Variants in PAAF1 observed in about 807,000 individuals in gnomAD.
PAAF1 encodes proteasomal ATPase-associated factor 1.
In PAAF1, 46 loss-of-function variants were observed where a neutral mutation model predicts 52.8. The observed-to-expected ratio is 0.87, with a 90% CI of 0.69 to 1.11. The LOEUF (loss-of-function observed/expected upper bound fraction) is 1.11. Among genes scored for constraint, PAAF1 ranks in the 50% most tolerant of loss-of-function variants. PAAF1 has a pLI of 0.00. For missense variants in PAAF1, 424 were observed against 477.4 expected (o/e 0.89, Z 1.04); for synonymous variants, 178 against 172.8 (o/e 1.03, Z -0.24).
intron 4 of PAAF1, among the ~76,000 whole-genome samples, chr11:73,893,755 A>G (rs976676696): frequency 1.3e-3 from 189 of 149,522 alleles, no homozygotes; most frequent in Admixed American, 6.0e-3. Context: ...AAAAAAAAAA[A>G]AAAAAAGAAA....
chr11:73,897,530 C>T (rs1232481096), intron 4 of PAAF1, among the ~76,000 whole-genome samples: 3 of 149,944 alleles, frequency 2.0e-5, no homozygotes, highest in African/African-American at 4.9e-5. Context: ...GAGGTGCTCC[C>T]CACATCTCAG....
chr11:73,883,710 G>A (rs1948980793), intron 2 of PAAF1, among the ~76,000 whole-genome samples: 1 of 151,716 alleles, frequency 6.6e-6, no homozygotes, highest in South Asian at 2.1e-4. Flanking sequence ...AGAGACGAAC[G>A]AGGTTTCGAC....
chr11:73,921,906 C>T (rs1486520565), intron 10 of PAAF1: 1 of 1,112,366 alleles, frequency 9.0e-7, no homozygotes, highest in Non-Finnish European at 1.3e-6. Flanking sequence ...CCAGTGTATA[C>T]ATTTCTTTCT....
intron 2 of PAAF1, among the ~76,000 whole-genome samples, chr11:73,883,113 C>T (rs969335172): frequency 6.6e-6 from 1 of 152,114 alleles, no homozygotes; most frequent in Non-Finnish European, 1.5e-5. Context: ...GTTGCCCAGG[C>T]TGGTCTTGAA....
chr11:73,883,097 C>G (rs1163377254), intron 2 of PAAF1, among the ~76,000 whole-genome samples: 1 of 151,884 alleles, frequency 6.6e-6, no homozygotes, highest in Non-Finnish European at 1.5e-5. Context: ...GACAAGGTCT[C>G]ACTATGTTGC....
At chr11:73,890,441 C>A (rs1310615991) in intron 3 of PAAF1, among the ~76,000 whole-genome samples, 1 of 152,112 alleles carries the variant, frequency 6.6e-6, no homozygotes, top group African/African-American at 2.4e-5. Flanking sequence ...GTGATAATGA[C>A]TAGGTAGAAC....
rs1565155402 is a variant in PAAF1 at position 73,924,713 on chromosome 11, GAC to G, written c.1101+19_1101+20del. On this transcript the variant is annotated intron_variant, in intron 11 of 11. Coordinates refer to ENST00000310571, the MANE Select transcript of PAAF1 (RefSeq NM_025155.3). ...TGTGTACAAGGTACAGGCCTGAGACGACACCAGACCTGGGTGATTCTCATGAG... is the reference window on the plus strand; with the variant it reads ...TGTGTACAAGGTACAGGCCTGAGACGACCAGACCTGGGTGATTCTCATGAG... The G allele has an allele frequency of 1.9e-6, 3 of 1,601,740 alleles. No homozygotes were observed. The South Asian group carries it at 3.3e-5, about 18-fold the overall frequency.
At chr11:73,899,381 C>T in intron 5 of PAAF1, 137 bp downstream of exon 5, 1 of 548,270 alleles carries the variant, frequency 1.8e-6, no homozygotes, top group African/African-American at 2.0e-5. Flanking sequence ...TCTTTTCTCC[C>T]ATTTGTGTGT....
At position 73,927,651 on chromosome 11, in the gene PAAF1, C is replaced by T. The variant is rs1950399873; in HGVS notation, c.*289C>T. ...AGATGCTTTTAGTTTGTTCTTAAAC[C>T]AGTTTTGTTAAATGTTTACAAGGAC... is the stretch of plus-strand genomic sequence containing the variant. On this transcript the variant is annotated 3_prime_UTR_variant, in exon 12 of 12. Coordinates refer to ENST00000310571, the MANE Select transcript of PAAF1 (RefSeq NM_025155.3). 2.3e-6 allele frequency: 1 copy of T among 439,294 alleles called. No homozygotes were observed. The highest frequency in any genetic ancestry group is 3.9e-5 in the East Asian group (1 of 25,966). 27.2% of individuals were successfully genotyped at this position (439,294 alleles called of 1,614,324 possible).
In PAAF1 at chr11:73,916,705, G is replaced by T. The variant is rs200605106; in HGVS notation, c.935+45G>T. 508 of 1,388,230 alleles carry T rather than the reference G, an allele frequency of 3.7e-4. No homozygotes were observed. The highest frequency in any genetic ancestry group is 1.3e-3 in the Middle Eastern group (7 of 5,586). 86.0% of individuals were successfully genotyped at this position (1,388,230 alleles called of 1,614,324 possible). On this transcript the variant is annotated intron_variant, in intron 9 of 11. Transcript: ENST00000310571. The stretch of plus-strand genomic sequence containing the variant: ...CATGATGCAGGTCTTCTGCAGAGTG[G>T]AAATTTTTATTGGCTTTAACATTGA...
At chr11:73,919,789 C>T (rs1950161559) in intron 10 of PAAF1, among the ~76,000 whole-genome samples, 1 of 152,130 alleles carries the variant, frequency 6.6e-6, no homozygotes, top group South Asian at 2.1e-4. Flanking sequence ...GAGGGACTAC[C>T]TACCTACCTT....
chr11:73,914,764 G>A (rs1053657706), intron 8 of PAAF1, among the ~76,000 whole-genome samples: 7 of 149,140 alleles, frequency 4.7e-5, no homozygotes, highest in South Asian at 2.1e-4. Flanking sequence ...GTGCAGTGGC[G>A]CAATCTCGGT....
intron 11 of PAAF1, among the ~76,000 whole-genome samples, chr11:73,925,319 G>A (rs994204046): frequency 6.6e-6 from 1 of 151,832 alleles, no homozygotes; most frequent in Non-Finnish European, 1.5e-5. Context: ...AATTAGCTGG[G>A]CATGGTGGCA....
At chr11:73,880,681 T>C (rs1948873005) in intron 2 of PAAF1, 1 of 97,660 alleles carries the variant, frequency 1.0e-5, no homozygotes. Context: ...AGCAAGACTC[T>C]GTCTCGAAAA....
chr11:73,922,237 A>G, intron 10 of PAAF1: 5 of 628,772 alleles, frequency 8.0e-6, no homozygotes, highest in South Asian at 6.9e-5. Flanking sequence ...GATTTTTTGT[A>G]CTTTTCTACT....
At chr11:73,926,678 C>T (rs935934227) in intron 11 of PAAF1, among the ~76,000 whole-genome samples, 2 of 152,168 alleles carry the variant, frequency 1.3e-5, no homozygotes, top group Non-Finnish European at 2.9e-5. Context: ...CACTGCACTC[C>T]AGCCTGAGCG....
chr11:73,927,355 A>G lies in PAAF1; in HGVS notation c.1172A>G (p.Asp391Gly). ...CTTGTACGACGCTACCAGCTTTCTG[A>G]CCTCTGACTTCTTGGAAAGAGCAGT... ...DGLVRRYQLS[D>G]L The change falls in exon 12 of 12, where the codon GAC (aspartate) becomes GGC (glycine). Residue 391 changes from aspartate (D) to glycine (G), a missense_variant. Coordinates refer to ENST00000310571, the MANE Select transcript of PAAF1 (RefSeq NM_025155.3). The G allele has an allele frequency of 6.2e-7, 1 of 1,613,652 alleles. No homozygotes were observed. The highest frequency in any genetic ancestry group is 1.1e-5 in the South Asian group (1 of 91,058).
chr11:73,917,169 C>T (rs767557700), intron 9 of PAAF1, among the ~76,000 whole-genome samples: 4 of 151,958 alleles, frequency 2.6e-5, no homozygotes, highest in East Asian at 1.9e-4. Context: ...TACAGGTGCG[C>T]GCTACCACAC....
chr11:73,915,482 A>G (rs1399955710), intron 8 of PAAF1, among the ~76,000 whole-genome samples: 1 of 152,116 alleles, frequency 6.6e-6, no homozygotes, highest in Non-Finnish European at 1.5e-5. Flanking sequence ...TGCACCTGTA[A>G]TCCCAGCTAC....
Sources: allele counts gnomAD v4.1 joint callset (sites outside exome capture counted in the v4.1 genomes callset), GRCh38; gene constraint gnomAD v4.1.1; transcripts MANE v1.5; gene names NCBI Gene and HGNC (gene_info 2026-07-23, HGNC 2026-07-21).